The following EFCAB8 variants were observed in gnomAD, a reference collection of about 807,000 sequenced individuals.
EFCAB8 encodes EF-hand calcium binding domain 8, also known as EF-hand calcium-binding domain-containing protein 8.
EFCAB8 carries 100 observed loss-of-function variants against 116.3 expected under a neutral mutation model. The ratio of observed to expected loss-of-function variants is 0.86; its 90% confidence interval spans 0.73 to 1.02. The LOEUF (loss-of-function observed/expected upper bound fraction) is 1.02, where lower values mean the gene tolerates loss of function less well. EFCAB8 is among the 50% of genes least tolerant of loss of function. EFCAB8 has a pLI of 0.00. For missense variants in EFCAB8, 1,320 were observed against 1,416.9 expected (o/e 0.93, Z 1.10); for synonymous variants, 558 against 567.9 (o/e 0.98, Z 0.25).
At chr20:32,908,494 T>C in intron 14 of EFCAB8, 82 bp downstream of exon 14, 2 of 1,237,470 alleles carry the variant, frequency 1.6e-6, no homozygotes, top group Non-Finnish European at 1.0e-6. Context: ...ACCCAAGGGG[T>C]GGCCACGTCC....
intron 14 of EFCAB8, among the ~76,000 whole-genome samples, chr20:32,909,366 T>TAGAGAGAG (rs1986815710): frequency 6.6e-6 from 1 of 152,246 alleles, no homozygotes; most frequent in Non-Finnish European, 1.5e-5. Flanking sequence ...ACAAAGACAC[T>TAGAGAGAG]GTCCCATCTC....
chr20:32,920,319 G>C, intron 20 of EFCAB8, 104 bp downstream of exon 20: 1 of 1,441,966 alleles, frequency 6.9e-7, no homozygotes, highest in Non-Finnish European at 9.2e-7. Flanking sequence ...GGCCCGGCCT[G>C]ATTCTCCCCA....
chr20:32,911,826 G>A (rs774509577), intron 16 of EFCAB8, 119 bp downstream of exon 16: 1 of 1,052,190 alleles, frequency 9.5e-7, no homozygotes, highest in Non-Finnish European at 1.4e-6. Flanking sequence ...ATCATAGTCA[G>A]GTGGCCTGGC....
At chr20:32,874,627 T>C (rs1467017367) in intron 3 of EFCAB8, among the ~76,000 whole-genome samples, 1 of 152,144 alleles carries the variant, frequency 6.6e-6, no homozygotes, top group African/African-American at 2.4e-5. Flanking sequence ...CTGCAACCTC[T>C]GCCTCCTGGG....
At chr20:32,876,140 G>A (rs1000674738) in intron 4 of EFCAB8, 96 bp downstream of exon 4, 6 of 1,083,716 alleles carry the variant, frequency 5.5e-6, no homozygotes, top group South Asian at 1.4e-5. Flanking sequence ...AGGCCATCAC[G>A]ATGTGGGAAA....
At chr20:32,870,721 C>G (rs1333504379) in intron 3 of EFCAB8, among the ~76,000 whole-genome samples, 1 of 152,138 alleles carries the variant, frequency 6.6e-6, no homozygotes, top group Non-Finnish European at 1.5e-5. Flanking sequence ...AGGCTAGTCT[C>G]AAACTCCTGG....
At chr20:32,907,019 TC>T in intron 13 of EFCAB8, 25 bp downstream of exon 13, 1 of 1,481,048 alleles carries the variant, frequency 6.8e-7, no homozygotes, top group Non-Finnish European at 9.0e-7. Context: ...TCCGCCTGAC[TC>T]CTTCTGTTCC....
At chr20:32,949,134 C>A (rs1988721214) in intron 23 of EFCAB8, among the ~76,000 whole-genome samples, 1 of 152,080 alleles carries the variant, frequency 6.6e-6, no homozygotes, top group African/African-American at 2.4e-5. Flanking sequence ...TTGCAGGATA[C>A]AAGATCAATA....
chr20:32,888,750 G>A (rs1159799820), intron 6 of EFCAB8, among the ~76,000 whole-genome samples: 6 of 152,070 alleles, frequency 3.9e-5, no homozygotes, highest in Admixed American at 3.9e-4. Context: ...TATTGGCATG[G>A]GCACAGTTCC....
At chr20:32,951,352 G>T (rs959989206) in intron 23 of EFCAB8, among the ~76,000 whole-genome samples, 3 of 152,224 alleles carry the variant, frequency 2.0e-5, no homozygotes, top group African/African-American at 7.2e-5. Context: ...ACAGAATGAA[G>T]AATTGATACG....
At chr20:32,895,964 C>T (rs1173242412) in intron 9 of EFCAB8, among the ~76,000 whole-genome samples, 1 of 152,158 alleles carries the variant, frequency 6.6e-6, no homozygotes, top group African/African-American at 2.4e-5. Context: ...GCGCCTGGCC[C>T]AGACATGCTT....
chr20:32,897,260 A>G (rs1986204682), intron 10 of EFCAB8, among the ~76,000 whole-genome samples: 1 of 151,600 alleles, frequency 6.6e-6, no homozygotes, highest in Admixed American at 6.6e-5. Context: ...TTGATTCCTC[A>G]TGCTGTCACC....
rs1047354190 is a variant in EFCAB8 at position 32,961,408 on chromosome 20, G to A, written c.3666G>A (p.Thr1222=). 1.3e-5 allele frequency: 19 copies of A among 1,457,746 alleles called. No homozygotes were observed. Among genetic ancestry groups the A allele is most frequent in the Admixed American group, 2.8e-5 (1 of 35,242 alleles). 90.3% of individuals were successfully genotyped at this position (1,457,746 alleles called of 1,614,324 possible). A position where few individuals can be genotyped will look rare whatever the true frequency, so the allele number is the denominator to read the frequency against. Reference sequence around the variant, plus strand: ...ACTCCAGCTTGCCCACCTTCCTGACGCCCCAGTTCTCCTTCTTGCTGCGGC... The same window carrying A: ...ACTCCAGCTTGCCCACCTTCCTGACACCCCAGTTCTCCTTCTTGCTGCGGC... ...LLDSSLPTFL[T]PQFSFLLRPQ... is the part of the protein sequence containing the mutation. Residue 1222 remains threonine (T), a synonymous_variant, in exon 27 of 27, where the codon ACG becomes ACA. Coordinates refer to ENST00000400522, the MANE Select transcript of EFCAB8 (RefSeq NM_001143967.2).
chr20:32,909,850 C>A lies in EFCAB8; in HGVS notation c.1476C>A (p.Ala492=). ...GGATCCTAAAAGGGTACTTAGAGGC[C>A]CAGGGGCTTATCAAAGCAAGGAAGA... The part of the protein sequence containing the change: ...SIGILKGYLE[A]QGLIKARKRT... The change falls in exon 15 of 27, where the codon GCC becomes GCA. Residue 492 remains alanine, a synonymous_variant. Transcript: ENST00000400522. 8.0e-7 allele frequency: 1 copy of A among 1,249,856 alleles called. No homozygotes were observed. Among genetic ancestry groups the A allele is most frequent in the Non-Finnish European group, 1.0e-6 (1 of 988,260 alleles). The allele number at this position is 1,249,856 out of a possible 1,614,324, so 77.4% of individuals were successfully genotyped here.
At chr20:32,933,151 C>T (rs1265445454) in intron 22 of EFCAB8, among the ~76,000 whole-genome samples, 2 of 152,114 alleles carry the variant, frequency 1.3e-5, no homozygotes, top group South Asian at 2.1e-4. Context: ...CTGAGAGACT[C>T]GTCTAAGCTC....
At chr20:32,939,113 CTCTCTTTCTT>C (rs1362746679) in intron 22 of EFCAB8, among the ~76,000 whole-genome samples, 24 of 128,690 alleles carry the variant, frequency 1.9e-4, no homozygotes, top group East Asian at 2.4e-4. Flanking sequence ...TCCTTTCTTT[CTCTCTTTCTT>C]TCTCTTTCTT....
rs571913446 is a variant in EFCAB8, at chr20:32,920,222, C to G, written c.2412+7C>G. 6.4e-7 allele frequency: 1 copy of G among 1,551,286 alleles called. No individual in the cohort carries two copies. Among genetic ancestry groups the G allele is most frequent in the Non-Finnish European group, 8.7e-7 (1 of 1,146,864 alleles). ...CAGTGCCTCGGTGGAGAAGGTTGGCCGTGATCAGCCAGGGAGAGGGATATG... is the reference window on the plus strand; with the variant it reads ...CAGTGCCTCGGTGGAGAAGGTTGGCGGTGATCAGCCAGGGAGAGGGATATG... On this transcript the variant is annotated splice_region_variant and intron_variant, in intron 20 of 26. Transcript: ENST00000400522.
chr20:32,885,540 T>C lies in EFCAB8; in HGVS notation c.467T>C (p.Leu156Ser). 1.9e-6 allele frequency: 3 copies of C among 1,551,744 alleles called. No individual in the cohort carries two copies. Among genetic ancestry groups the C allele is most frequent in the Non-Finnish European group, 2.6e-6 (3 of 1,147,010 alleles). Reference protein sequence around the residue: ...HGCEVVKVVFLIHRFKKIGCF... With the variant: ...HGCEVVKVVFSIHRFKKIGCF... ...TGTGAGGTGGTGAAGGTGGTGTTTTTAATCCACCGGTTCAAGAAGATCGGG... is the reference window on the plus strand; with the variant it reads ...TGTGAGGTGGTGAAGGTGGTGTTTTCAATCCACCGGTTCAAGAAGATCGGG... Residue 156 changes from leucine to serine, a missense_variant, in exon 6 of 27, where the codon TTA (leucine) becomes TCA (serine). Leu to Ser is a moderately radical substitution (Grantham distance 145). Transcript: ENST00000400522.
intron 11 of EFCAB8, among the ~76,000 whole-genome samples, chr20:32,905,395 G>A (rs956415629): frequency 5.3e-5 from 8 of 152,116 alleles, no homozygotes; most frequent in Non-Finnish European, 8.8e-5. Context: ...CATGCAGGAC[G>A]ACTGGACTAG....
Sources: allele counts gnomAD v4.1 joint callset (sites outside exome capture counted in the v4.1 genomes callset), GRCh38; gene constraint gnomAD v4.1.1; transcripts MANE v1.5; gene names NCBI Gene and HGNC (gene_info 2026-07-23, HGNC 2026-07-21).